The following HTT variants were observed in gnomAD, a reference collection of about 807,000 sequenced individuals.
HTT encodes huntington disease protein.
Under a neutral mutation model 362.3 loss-of-function variants are expected in HTT, and 104 were observed. The observed-to-expected ratio is 0.29, with a 90% confidence interval of 0.24 to 0.34. The LOEUF (loss-of-function observed/expected upper bound fraction) is 0.34. HTT is among the 10% of genes least tolerant of loss of function. The pLI, the probability that HTT is intolerant of heterozygous loss-of-function variation, is 1.00. For synonymous variants in HTT, 1,577 were observed against 1,548.7 expected (o/e 1.02, Z -0.43); for missense variants, 3,301 against 3,928.6 (o/e 0.84, Z 4.27).
intron 37 of HTT, among the ~76,000 whole-genome samples, chr4:3,184,012 A>G (rs1364360171): frequency 6.6e-6 from 1 of 151,930 alleles, no homozygotes; most frequent in East Asian, 1.9e-4. Flanking sequence ...GGGTAAGGGG[A>G]CAGACAATAG....
At chr4:3,111,110 T>C (rs1157105101) in intron 6 of HTT, among the ~76,000 whole-genome samples, 6 of 152,142 alleles carry the variant, frequency 3.9e-5, no homozygotes, top group Non-Finnish European at 7.4e-5. Context: ...CTCAAATTCC[T>C]GGGCTCAAGC....
Position 3,172,968 on chromosome 4 carries a change from C to T in HTT, c.4003C>T (p.Pro1335Ser). The change falls in exon 31 of 67, where the codon CCC becomes TCC. Residue 1335 changes from proline (P) to serine (S), a missense_variant. Coordinates refer to ENST00000355072, the MANE Select transcript of HTT (RefSeq NM_001388492.1). ...CCAGTTTGATGGCTTATCTTCCAAC[C>T]CCAGCAAGTCACAAGGCCGAGCACA... is the stretch of plus-strand genomic sequence containing the variant. ...ASQFDGLSSN[P>S]SKSQGRAQRL... 1 of 1,614,180 alleles carries T rather than the reference C, an allele frequency of 6.2e-7. No individual in the cohort carries two copies. The highest frequency in any genetic ancestry group is 8.5e-7 in the Non-Finnish European group (1 of 1,180,032).
chr4:3,108,522 G>T (rs1714554313), intron 6 of HTT, among the ~76,000 whole-genome samples: 1 of 152,206 alleles, frequency 6.6e-6, no homozygotes, highest in Non-Finnish European at 1.5e-5. Context: ...GTACACTGGG[G>T]TCTGTTGAAG....
chr4:3,210,034 C>A, intron 47 of HTT, 85 bp downstream of exon 47: 1 of 1,524,296 alleles, frequency 6.6e-7, no homozygotes, highest in South Asian at 1.2e-5. Flanking sequence ...ATGTGACCCA[C>A]TTGTTGACAA....
At chr4:3,222,201 T>A (rs1720706595) in intron 53 of HTT, among the ~76,000 whole-genome samples, 186 bp from the exon 54 acceptor site, 1 of 152,172 alleles carries the variant, frequency 6.6e-6, no homozygotes, top group Non-Finnish European at 1.5e-5. Flanking sequence ...TATACTTCGG[T>A]TTCCTCAATG....
chr4:3,074,888 GCA>G lies in HTT; in HGVS notation c.64_65del (p.Gln22AlafsTer60). 2 of 1,259,884 alleles carry G rather than the reference GCA, an allele frequency of 1.6e-6. No homozygotes were observed. Among genetic ancestry groups the G allele is most frequent in the Middle Eastern group, 2.7e-4 (1 of 3,672 alleles). The allele number at this position is 1,259,884 out of a possible 1,614,324, so 78.0% of individuals were successfully genotyped here. A position where few individuals can be genotyped will look rare whatever the true frequency, so the allele number is the denominator to read the frequency against. The part of the protein sequence containing the change: ...ESLKSFQQQQ[Q>X]QQQQQQQQQQ... The stretch of plus-strand genomic sequence containing the variant: ...CCCTCAAGTCCTTCCAGCAGCAGCA[GCA>G]GCAGCAGCAGCAGCAGCAGCAGCAG... On this transcript the variant is annotated frameshift_variant, in exon 1 of 67. Coordinates refer to ENST00000355072, the MANE Select transcript of HTT (RefSeq NM_001388492.1). LOFTEE classifies it high-confidence loss of function.
chr4:3,239,005 GC>G, intron 66 of HTT, 27 bp downstream of exon 66: 1 of 1,582,702 alleles, frequency 6.3e-7, no homozygotes, highest in Non-Finnish European at 8.6e-7. Flanking sequence ...CCTGGTGCTG[GC>G]CCCGTTTCCC....
rs116558436 is a variant in HTT, at chr4:3,170,535, T to G, written c.3865-1785T>G. Among the ~76,000 whole-genome samples the G allele has an allele frequency of 4.2e-3, 636 of 152,302 alleles. 3 individuals are homozygous for G. The highest frequency in any genetic ancestry group is 0.014 in the African/African-American group (598 of 41,564). ...TCACACACATATCTCTGCTGAGTAC[T>G]CGAGAGGGACCTTCCCCAGATCTCC... On this transcript the variant is annotated intron_variant, in intron 29 of 66. Coordinates refer to ENST00000355072, the MANE Select transcript of HTT (RefSeq NM_001388492.1).
chr4:3,220,218 G>T lies in HTT; in HGVS notation c.7279G>T (p.Asp2427Tyr). 3 of 1,614,156 alleles carry T rather than the reference G, an allele frequency of 1.9e-6. No individual in the cohort carries two copies. The highest frequency in any genetic ancestry group is 2.2e-5 in the East Asian group (1 of 44,878). Residue 2427 changes from aspartate to tyrosine, a missense_variant, in exon 53 of 67, where the codon GAT becomes TAT. This residue lies in a region of HTT where 753 missense variants were observed against 1,021.3 expected (regional missense o/e 0.74). Transcript: ENST00000355072. Reference protein sequence around the residue: ...KLGWSPKPGGDFGTAFPEIPV... With the variant: ...KLGWSPKPGGYFGTAFPEIPV... ...TGGATGGTCACCCAAACCGGGAGGG[G>T]ATTTTGGCACAGCATTCCCTGAGAT...
At position 3,187,862 on chromosome 4, in the gene HTT, A is replaced by G. The variant is rs2110248535; in HGVS notation, c.5201A>G (p.Asn1734Ser). 1 of 1,611,376 alleles carries G rather than the reference A, an allele frequency of 6.2e-7. No individual in the cohort carries two copies. Among genetic ancestry groups the G allele is most frequent in the Non-Finnish European group, 8.5e-7 (1 of 1,177,950 alleles). The change falls in exon 39 of 67, where the codon AAT (asparagine) becomes AGT (serine). Residue 1734 changes from asparagine (N) to serine (S), a missense_variant. By Grantham distance (46) the Asn-to-Ser change is conservative. Transcript: ENST00000355072. ...EEHSEGKQIKNLPEETFSRFL... is the reference protein window; with the variant it reads ...EEHSEGKQIKSLPEETFSRFL... The stretch of plus-strand genomic sequence containing the variant: ...CACAGTGAAGGGAAACAAATAAAGA[A>G]TTTGCCAGAAGAAACATTTTCAAGG...
chr4:3,155,145 C>T (rs909830172), intron 27 of HTT, among the ~76,000 whole-genome samples: 1 of 152,000 alleles, frequency 6.6e-6, no homozygotes, highest in Non-Finnish European at 1.5e-5. Flanking sequence ...TCTTGGCACC[C>T]AGGGGCCAGT....
intron 14 of HTT, 101 bp from the exon 15 acceptor site, chr4:3,131,185 C>A: frequency 1.2e-6 from 1 of 866,910 alleles, no homozygotes. Context: ...TTATCCCCAG[C>A]ACCTGGCTTA....
intron 14 of HTT, among the ~76,000 whole-genome samples, 182 bp from the exon 15 acceptor site, chr4:3,131,104 T>C (rs1400771139): frequency 5.3e-5 from 8 of 152,012 alleles, no homozygotes; most frequent in Non-Finnish European, 2.9e-5. Context: ...TGCCTCTGAC[T>C]TGTCTGTTTC....
chr4:3,181,501 C>G (rs1206538707), intron 36 of HTT, among the ~76,000 whole-genome samples: 1 of 152,142 alleles, frequency 6.6e-6, no homozygotes, highest in Non-Finnish European at 1.5e-5. Context: ...GCAGAAATCT[C>G]TCTTTTTAAA....
chr4:3,235,709 A>G lies in HTT; in HGVS notation c.8716A>G (p.Arg2906Gly), dbSNP rs770307765. 1.1e-5 allele frequency: 17 copies of G among 1,613,200 alleles called. No homozygotes were observed. In the East Asian group the frequency reaches 3.3e-4, roughly 32 times the overall value. The change falls in exon 63 of 67, where the codon AGA becomes GGA. Residue 2906 changes from arginine to glycine, a missense_variant. Physicochemically the swap from Arg to Gly is moderately radical, Grantham distance 125 (BLOSUM62 -2). Around this residue, in one of 4 missense-constraint regions of HTT, gnomAD observed 753 missense variants for 1,021.3 expected, o/e 0.74. Transcript: ENST00000355072. ...ATCGCTGGTCAAGCTGAGTGTGGAC[A>G]GAGTGAACGTGCACAGCCCGCACCG... The part of the protein sequence containing the change: ...AESLVKLSVD[R>G]VNVHSPHRAM...
At position 3,233,509 on chromosome 4, in the gene HTT, G is replaced by A. The variant is rs116254395; in HGVS notation, c.8456+156G>A. 4.3e-3 allele frequency among the ~76,000 whole-genome samples: 653 copies of A among 152,324 alleles called. 3 individuals carry two copies. Among genetic ancestry groups the A allele is most frequent in the African/African-American group, 0.015 (614 of 41,580 alleles). On this transcript the variant is annotated intron_variant, in intron 61 of 66. Transcript: ENST00000355072. ...GTGCCATGGCTGAGGTCAGTGAGAC[G>A]CAAGAGCACAGGTGCGTCCTAGAGG...
At chr4:3,106,035 T>C (rs1347673685) in intron 5 of HTT, among the ~76,000 whole-genome samples, 1 of 152,206 alleles carries the variant, frequency 6.6e-6, no homozygotes, top group Non-Finnish European at 1.5e-5. Context: ...ACTGGGAATG[T>C]GGTCTAAACC....
chr4:3,235,324 T>C lies in HTT; in HGVS notation c.8497T>C (p.Cys2833Arg). The C allele has an allele frequency of 1.9e-6, 3 of 1,614,074 alleles. No homozygotes were observed. The highest frequency in any genetic ancestry group is 2.5e-6 in the Non-Finnish European group (3 of 1,179,904). ...IHSQQHVLVM[C>R]ATAFYLIENY... ...CAGCCAGCAGCACGTACTGGTCATG[T>C]GTGCCACTGCGTTTTACCTCATTGA... The change falls in exon 62 of 67, where the codon TGT becomes CGT. Residue 2833 changes from cysteine to arginine, a missense_variant. Cys to Arg is a radical substitution (Grantham distance 180). Coordinates refer to ENST00000355072, the MANE Select transcript of HTT (RefSeq NM_001388492.1).
At chr4:3,110,706 T>TC (rs1233093861) in intron 6 of HTT, among the ~76,000 whole-genome samples, 1 of 152,194 alleles carries the variant, frequency 6.6e-6, no homozygotes, top group Non-Finnish European at 1.5e-5. Flanking sequence ...TCTTAAAATC[T>TC]CCAACGTGAC....
Sources: gnomAD v4.1 joint callset for allele counts (sites outside exome capture counted in the v4.1 genomes callset) on GRCh38, gnomAD v4.1.1 for gene constraint, gnomAD v4.1.1 regional missense constraint, MANE v1.5 for transcripts, NCBI Gene and HGNC (gene_info 2026-07-23, HGNC 2026-07-21) for gene names.